The following BTBD9 variants were observed in gnomAD, a reference collection of about 807,000 sequenced individuals.
The protein encoded by BTBD9 is BTB/POZ domain-containing protein 9.
In BTBD9, 49 loss-of-function variants were observed where a neutral mutation model predicts 64.3. The ratio of observed to expected loss-of-function variants is 0.76; its 90% CI spans 0.61 to 0.97. BTBD9 has a LOEUF of 0.97. Ranked by LOEUF, BTBD9 falls within the 50% of genes least tolerant of loss-of-function variation. BTBD9 has a pLI of 0.00. For synonymous variants in BTBD9, 260 were observed against 274.7 expected (o/e 0.95, Z 0.53); for missense variants, 598 against 762.1 (o/e 0.78, Z 2.53).
intron 7 of BTBD9, among the ~76,000 whole-genome samples, chr6:38,294,685 G>A (rs974052214): frequency 1.3e-5 from 2 of 152,110 alleles, no homozygotes; most frequent in Non-Finnish European, 2.9e-5. Context: ...ATAGCATTAC[G>A]AGAAATACCT....
intron 1 of BTBD9, among the ~76,000 whole-genome samples, chr6:38,608,723 A>G (rs1312003271): frequency 6.6e-6 from 1 of 152,220 alleles, no homozygotes; most frequent in Non-Finnish European, 1.5e-5. Context: ...ATTGTAAAAT[A>G]AAAAAAGATC....
chr6:38,599,566 G>A (rs1275523794), intron 1 of BTBD9, among the ~76,000 whole-genome samples: 3 of 152,186 alleles, frequency 2.0e-5, no homozygotes, highest in Non-Finnish European at 4.4e-5. Context: ...AGCCAGCTAC[G>A]CCTCTGCTGC....
chr6:38,302,937 G>A (rs1283424353), intron 7 of BTBD9, among the ~76,000 whole-genome samples: 1 of 152,014 alleles, frequency 6.6e-6, no homozygotes, highest in Non-Finnish European at 1.5e-5. Context: ...CCATTTGTAT[G>A]TCTTCTTTTG....
intron 6 of BTBD9, among the ~76,000 whole-genome samples, chr6:38,518,446 G>A (rs1425805774): frequency 6.6e-6 from 1 of 152,234 alleles, no homozygotes; most frequent in Non-Finnish European, 1.5e-5. Context: ...TCTCTAGGGA[G>A]ATTCTGGGAA....
At chr6:38,483,006 G>A (rs1771231228) in intron 6 of BTBD9, among the ~76,000 whole-genome samples, 1 of 151,762 alleles carries the variant, frequency 6.6e-6, no homozygotes, top group African/African-American at 2.4e-5. Context: ...CCCATAATGA[G>A]GTACACGGCC....
At chr6:38,394,381 AAG>A (rs1362864836) in intron 6 of BTBD9, among the ~76,000 whole-genome samples, 1 of 152,154 alleles carries the variant, frequency 6.6e-6, no homozygotes, top group Admixed American at 6.5e-5. Context: ...GAGGGATAAA[AAG>A]AAGTTAGAAA....
At chr6:38,326,065 G>T (rs1763415620) in intron 7 of BTBD9, among the ~76,000 whole-genome samples, 1 of 152,128 alleles carries the variant, frequency 6.6e-6, no homozygotes. Flanking sequence ...AAGACTAGGG[G>T]TAGGGGGGGT....
At chr6:38,427,234 A>G (rs1768207917) in intron 6 of BTBD9, among the ~76,000 whole-genome samples, 1 of 151,802 alleles carries the variant, frequency 6.6e-6, no homozygotes, top group Non-Finnish European at 1.5e-5. Context: ...TCCCACCTAT[A>G]ATCTCAGCTA....
chr6:38,329,386 G>A (rs1258153233), intron 7 of BTBD9, among the ~76,000 whole-genome samples: 2 of 143,970 alleles, frequency 1.4e-5, no homozygotes, highest in Non-Finnish European at 1.5e-5. Context: ...GCAGTTGCAT[G>A]ATCTCGGCTC....
intron 6 of BTBD9, among the ~76,000 whole-genome samples, chr6:38,392,303 ACTGCGTTACCTTGG>A (rs1187952529): frequency 1.3e-5 from 2 of 152,146 alleles, no homozygotes; most frequent in African/African-American, 4.8e-5. Context: ...GGAAAAACAG[ACTGCGTTACCTTGG>A]TTAGTTGGGA....
At chr6:38,417,555 C>T (rs1205245090) in intron 6 of BTBD9, among the ~76,000 whole-genome samples, 1 of 152,166 alleles carries the variant, frequency 6.6e-6, no homozygotes, top group African/African-American at 2.4e-5. Flanking sequence ...TAGTGGATCA[C>T]TTGAGTCTGC....
chr6:38,565,036 G>A (rs528336179), intron 6 of BTBD9, among the ~76,000 whole-genome samples: 1 of 152,144 alleles, frequency 6.6e-6, no homozygotes, highest in African/African-American at 2.4e-5. Context: ...GTCTACCTAT[G>A]TCATTCCATT....
chr6:38,238,860 A>G (rs1019117006), intron 9 of BTBD9, among the ~76,000 whole-genome samples: 3 of 152,092 alleles, frequency 2.0e-5, no homozygotes, highest in Admixed American at 6.5e-5. Context: ...CAGACTTGAG[A>G]TCTGTGTTGA....
At chr6:38,442,996 C>T (rs1053360660) in intron 6 of BTBD9, among the ~76,000 whole-genome samples, 1 of 151,856 alleles carries the variant, frequency 6.6e-6, no homozygotes, top group African/African-American at 2.4e-5. Context: ...ATAAAAGGAT[C>T]AAGGATTTTT....
intron 8 of BTBD9, among the ~76,000 whole-genome samples, chr6:38,257,866 T>G (rs1463283870): frequency 6.6e-6 from 1 of 152,038 alleles, no homozygotes; most frequent in Non-Finnish European, 1.5e-5. Context: ...ACTGGAAAAG[T>G]GCTATTTTTG....
chr6:38,218,363 A>C (rs1176492577), intron 9 of BTBD9, among the ~76,000 whole-genome samples: 2 of 152,208 alleles, frequency 1.3e-5, no homozygotes, highest in Non-Finnish European at 2.9e-5. Context: ...TGAACTTCTG[A>C]AAGGCCTAAG....
At chr6:38,636,760 AG>A (rs1778540362) in intron 1 of BTBD9, among the ~76,000 whole-genome samples, 1 of 152,188 alleles carries the variant, frequency 6.6e-6, no homozygotes, top group African/African-American at 2.4e-5. Flanking sequence ...TAGACTTTTT[AG>A]GATGAAGTGG....
At chr6:38,401,316 C>T (rs1246683562) in intron 6 of BTBD9, among the ~76,000 whole-genome samples, 1 of 152,174 alleles carries the variant, frequency 6.6e-6, no homozygotes, top group African/African-American at 2.4e-5. Flanking sequence ...TGCCTTCTGC[C>T]ATAATTGTAA....
intron 6 of BTBD9, among the ~76,000 whole-genome samples, chr6:38,401,239 G>C (rs1766913571): frequency 6.6e-6 from 1 of 152,098 alleles, no homozygotes; most frequent in Non-Finnish European, 1.5e-5. Flanking sequence ...GTTTAAGTGT[G>C]GCACTTCCTT....
Sources: gnomAD v4.1 joint callset for allele counts (sites outside exome capture counted in the v4.1 genomes callset) on GRCh38, gnomAD v4.1.1 for gene constraint, MANE v1.5 for transcripts, NCBI Gene and HGNC (gene_info 2026-07-23, HGNC 2026-07-21) for gene names.